C1orf21: variants seen among roughly 807,000 people sequenced by gnomAD.
C1orf21 encodes the protein chromosome 1 open reading frame 21.
C1orf21 carries 3 observed loss-of-function variants against 18.7 expected under a neutral mutation model. That is an observed-to-expected ratio of 0.16 (90% CI 0.07 to 0.42). C1orf21 has a LOEUF of 0.42. C1orf21 is among the 10% of genes least tolerant of loss of function. The probability of loss-of-function intolerance (pLI) is 0.99; values close to 1 mark genes in which losing one functional copy is unlikely to be tolerated. For missense variants in C1orf21, 104 were observed against 143.6 expected, an observed-to-expected ratio of 0.72 and a Z score of 1.41; for synonymous variants, 41 against 46.4, an observed-to-expected ratio of 0.88 and a Z score of 0.47.
At chr1:184,592,760 C>T (rs1343042368) in intron 4 of C1orf21, among the ~76,000 whole-genome samples, 2 of 152,208 alleles carry the variant, frequency 1.3e-5, no homozygotes, top group African/African-American at 4.8e-5. Flanking sequence ...CTCATAATCA[C>T]TTTACCCTGG....
chr1:184,428,030 AG>A (rs1009934666), intron 1 of C1orf21, among the ~76,000 whole-genome samples: 4 of 152,210 alleles, frequency 2.6e-5, no homozygotes, highest in African/African-American at 9.6e-5. Flanking sequence ...ACCTTGGGCA[AG>A]ATACTTAAGC....
chr1:184,392,619 G>T (rs1002981274), intron 1 of C1orf21, among the ~76,000 whole-genome samples: 7 of 152,074 alleles, frequency 4.6e-5, no homozygotes, highest in South Asian at 2.1e-4. Context: ...TGAAGTAAAG[G>T]AAAGTTGAGA....
At chr1:184,440,588 A>T in intron 1 of C1orf21, among the ~76,000 whole-genome samples, 1 of 151,678 alleles carries the variant, frequency 6.6e-6, no homozygotes, top group African/African-American at 2.4e-5. Context: ...CTACCTAAGT[A>T]TTTGCCTTGA....
chr1:184,468,009 T>TGAGA (rs1491246462), intron 1 of C1orf21, among the ~76,000 whole-genome samples: 3 of 145,234 alleles, frequency 2.1e-5, no homozygotes, highest in African/African-American at 7.6e-5. Context: ...TGTGTGTGTG[T>TGAGA]GTGAGAGAGA....
At chr1:184,508,429 T>C (rs1658098298) in intron 3 of C1orf21, among the ~76,000 whole-genome samples, 1 of 152,192 alleles carries the variant, frequency 6.6e-6, no homozygotes, top group African/African-American at 2.4e-5. Context: ...CTATATTTGC[T>C]TTTTTCATAA....
At chr1:184,480,881 A>G (rs1241133298) in intron 2 of C1orf21, among the ~76,000 whole-genome samples, 2 of 152,150 alleles carry the variant, frequency 1.3e-5, no homozygotes, top group Non-Finnish European at 2.9e-5. Flanking sequence ...CTGCATCACA[A>G]GCAGAGCTAG....
intron 3 of C1orf21, among the ~76,000 whole-genome samples, chr1:184,554,404 G>T (rs535148214): frequency 2.8e-4 from 43 of 152,296 alleles, no homozygotes; most frequent in Non-Finnish European, 6.2e-4. Flanking sequence ...GCAGAGTAAG[G>T]TATGGAGAAA....
At chr1:184,488,046 G>A (rs1023699948) in intron 2 of C1orf21, among the ~76,000 whole-genome samples, 2 of 152,176 alleles carry the variant, frequency 1.3e-5, no homozygotes, top group African/African-American at 4.8e-5. Context: ...GGAGGAGAAT[G>A]CGTCATCAGT....
intron 3 of C1orf21, among the ~76,000 whole-genome samples, chr1:184,568,772 C>G (rs1033374121): frequency 6.6e-6 from 1 of 152,230 alleles, no homozygotes; most frequent in Non-Finnish European, 1.5e-5. Context: ...AAGCACCACT[C>G]CTTCTCTTTG....
chr1:184,388,005 T>C (rs962199908), intron 1 of C1orf21, among the ~76,000 whole-genome samples: 25 of 152,148 alleles, frequency 1.6e-4, no homozygotes, highest in Non-Finnish European at 1.5e-5. Flanking sequence ...TGCTTGGTTA[T>C]TGTACACGAA....
intron 1 of C1orf21, among the ~76,000 whole-genome samples, chr1:184,430,137 A>G (rs1015232041): frequency 3.4e-5 from 5 of 148,728 alleles, no homozygotes; most frequent in Non-Finnish European, 7.4e-5. Context: ...AAAAAAATCC[A>G]TTGTTTATCT....
intron 1 of C1orf21, among the ~76,000 whole-genome samples, chr1:184,431,002 A>T (rs1557970535): frequency 6.6e-6 from 1 of 152,200 alleles, no homozygotes; most frequent in South Asian, 2.1e-4. Context: ...GGTGCTTCAC[A>T]TCCCTTGTAA....
At chr1:184,390,777 C>T (rs1384376348) in intron 1 of C1orf21, among the ~76,000 whole-genome samples, 2 of 152,088 alleles carry the variant, frequency 1.3e-5, no homozygotes, top group Non-Finnish European at 2.9e-5. Flanking sequence ...CATCTTTGGC[C>T]ACTTTATGGT....
chr1:184,573,378 G>C (rs1297206254), intron 3 of C1orf21, among the ~76,000 whole-genome samples: 2 of 152,106 alleles, frequency 1.3e-5, no homozygotes, highest in African/African-American at 4.8e-5. Flanking sequence ...AAAATGTCAA[G>C]TCCTAGAAAA....
intron 2 of C1orf21, among the ~76,000 whole-genome samples, chr1:184,505,329 A>G (rs1359397690): frequency 7.4e-6 from 1 of 134,328 alleles, no homozygotes; most frequent in East Asian, 2.1e-4. Flanking sequence ...ATATATATAT[A>G]TATATATATA....
chr1:184,397,803 T>C (rs1656084961), intron 1 of C1orf21, among the ~76,000 whole-genome samples: 1 of 152,176 alleles, frequency 6.6e-6, no homozygotes, highest in African/African-American at 2.4e-5. Context: ...TCATTGTGAA[T>C]TTATAAGTGT....
chr1:184,581,012 C>T (rs1040332555), intron 3 of C1orf21, among the ~76,000 whole-genome samples: 1 of 152,254 alleles, frequency 6.6e-6, no homozygotes, highest in Admixed American at 6.5e-5. Context: ...GAACTCCAGC[C>T]ATGGTTATTA....
rs561039326 is a variant in C1orf21 at position 184,471,069 on chromosome 1, T to C, written c.-124-6317T>C. 3.7e-4 allele frequency among the ~76,000 whole-genome samples: 57 copies of C among 152,268 alleles called. 1 individual carries two copies. The highest frequency in any genetic ancestry group is 1.3e-3 in the African/African-American group (53 of 41,558). On this transcript the variant is annotated intron_variant, in intron 1 of 5. Coordinates refer to ENST00000235307, the MANE Select transcript of C1orf21 (RefSeq NM_030806.4). ...TCTCAGAAATAGTGTCAGCCATGCA[T>C]GAGCTCATGTCAACATACACAGGTA...
At chr1:184,472,092 T>C (rs1169421209) in intron 1 of C1orf21, among the ~76,000 whole-genome samples, 1 of 152,154 alleles carries the variant, frequency 6.6e-6, no homozygotes, top group Admixed American at 6.5e-5. Context: ...CTCATTACAG[T>C]GAAGCCCAGC....
Sources: allele counts gnomAD v4.1 joint callset (sites outside exome capture counted in the v4.1 genomes callset), GRCh38; gene constraint gnomAD v4.1.1; transcripts MANE v1.5; gene names NCBI Gene and HGNC (gene_info 2026-07-23, HGNC 2026-07-21).